Variants in TCEA1 observed in about 807,000 individuals in gnomAD.
TCEA1 encodes the protein transcription elongation factor A protein 1.
Under a neutral mutation model 43.8 loss-of-function variants are expected in TCEA1, and 21 were observed. That is an observed-to-expected ratio of 0.48 (90% CI 0.34 to 0.69). The LOEUF (loss-of-function observed/expected upper bound fraction) is 0.69, where lower values mean the gene tolerates loss of function less well. TCEA1 is among the 30% of genes least tolerant of loss of function. The pLI is 0.01. For synonymous variants in TCEA1, 104 were observed against 117.5 expected (o/e 0.88, Z 0.75); for missense variants, 250 against 365.1 (o/e 0.68, Z 2.57).
intron 2 of TCEA1, among the ~76,000 whole-genome samples, chr8:54,007,928 TC>T (rs1477596000): frequency 2.6e-5 from 4 of 152,152 alleles, no homozygotes; most frequent in Non-Finnish European, 5.9e-5. Context: ...ATGCCTGTAA[TC>T]CCAGCACTTC....
intron 4 of TCEA1, 68 bp downstream of exon 4, chr8:53,993,600 C>A: frequency 2.3e-6 from 3 of 1,294,924 alleles, no homozygotes; most frequent in Non-Finnish European, 3.3e-6. Context: ...GAACATTAGA[C>A]AGGGGAATTG....
chr8:53,987,642 T>A (rs1372554988), intron 5 of TCEA1, among the ~76,000 whole-genome samples: 1 of 152,220 alleles, frequency 6.6e-6, no homozygotes, highest in Admixed American at 6.5e-5. Flanking sequence ...AAATGTTACA[T>A]GTTAAGACTG....
chr8:54,004,111 C>T (rs1043625472), intron 2 of TCEA1, among the ~76,000 whole-genome samples: 1 of 152,132 alleles, frequency 6.6e-6, no homozygotes, highest in East Asian at 1.9e-4. Context: ...ACTACAATAG[C>T]TATAATCAAA....
At chr8:54,003,022 T>A (rs541379498) in intron 2 of TCEA1, 4 of 456,118 alleles carry the variant, frequency 8.8e-6, no homozygotes, top group Non-Finnish European at 1.8e-5. Flanking sequence ...TTTGGTGTGC[T>A]CCAGAAGAAA....
chr8:54,012,520 C>T (rs573264490), intron 1 of TCEA1, among the ~76,000 whole-genome samples: 1 of 152,308 alleles, frequency 6.6e-6, no homozygotes, highest in East Asian at 1.9e-4. Context: ...GATCGCGCCA[C>T]TGCACTCCAG....
At chr8:54,000,286 T>A (rs1804215983) in intron 2 of TCEA1, among the ~76,000 whole-genome samples, 1 of 152,184 alleles carries the variant, frequency 6.6e-6, no homozygotes, top group African/African-American at 2.4e-5. Context: ...ACTACTGTAA[T>A]AAGTCTGGTT....
intron 8 of TCEA1, chr8:53,972,122 C>T (rs1302838084): frequency 3.5e-6 from 1 of 288,226 alleles, no homozygotes; most frequent in Non-Finnish European, 6.8e-6. Context: ...TGGTTCCATC[C>T]ATAACGGCAA....
chr8:54,000,918 C>T (rs1474677961), intron 2 of TCEA1, among the ~76,000 whole-genome samples: 2 of 152,084 alleles, frequency 1.3e-5, no homozygotes, highest in Non-Finnish European at 2.9e-5. Flanking sequence ...TGCCACCTCG[C>T]CCGGCTGATT....
In TCEA1 at chr8:54,000,402, A is replaced by G. The variant is rs114428731; in HGVS notation, c.127-352T>C. Among the ~76,000 whole-genome samples the G allele has an allele frequency of 4.1e-3, 621 of 152,318 alleles. 4 individuals are homozygous for G. The highest frequency in any genetic ancestry group is 0.014 in the African/African-American group (592 of 41,566). ...TCAGGCTGAAGCAATCATGACTAAT[A>G]CATGCATTTCTTTGTTTCTATACAT... On this transcript the variant is annotated intron_variant, in intron 2 of 9. Coordinates refer to ENST00000521604, the MANE Select transcript of TCEA1 (RefSeq NM_006756.4).
chr8:54,022,337 C>G lies in TCEA1; in HGVS notation c.-212G>C. The stretch of plus-strand genomic sequence containing the variant: ...TCCTCCCCAGGCAGCGACAATCGAA[C>G]ACCGCGCGCGACGTGCAGGCGCTAC... On this transcript the variant is annotated 5_prime_UTR_variant, in exon 1 of 10. Transcript: ENST00000521604. The G allele has an allele frequency of 1.7e-6, 1 of 605,196 alleles. No individual in the cohort carries two copies. 37.5% of individuals were successfully genotyped at this position (605,196 alleles called of 1,614,324 possible). A position where few individuals can be genotyped will look rare whatever the true frequency, so the allele number is the denominator to read the frequency against.
chr8:53,998,552 A>C (rs1203102655), intron 3 of TCEA1, among the ~76,000 whole-genome samples: 1 of 152,192 alleles, frequency 6.6e-6, no homozygotes, highest in East Asian at 1.9e-4. Flanking sequence ...CCACAACAGT[A>C]ATTTTTTTTA....
chr8:53,981,382 G>T (rs928980757), intron 7 of TCEA1, among the ~76,000 whole-genome samples: 4 of 152,194 alleles, frequency 2.6e-5, no homozygotes, highest in African/African-American at 4.8e-5. Context: ...GGACTCTCTT[G>T]TTAGGGGCTA....
At chr8:54,010,615 A>G in intron 1 of TCEA1, 123 bp from the exon 2 acceptor site, 3 of 681,500 alleles carry the variant, frequency 4.4e-6, no homozygotes, top group Non-Finnish European at 7.4e-6. Context: ...ATAAGGAGCA[A>G]CAGCACCACC....
intron 7 of TCEA1, among the ~76,000 whole-genome samples, chr8:53,982,613 C>CAAAAAA (rs558788906): frequency 2.3e-4 from 13 of 57,742 alleles, no homozygotes; most frequent in South Asian, 6.4e-4. Context: ...CATTCCCCAC[C>CAAAAAA]AAAAAAAAAA....
intron 8 of TCEA1, among the ~76,000 whole-genome samples, chr8:53,975,035 CATGTT>C (rs1803288267): frequency 6.6e-6 from 1 of 151,790 alleles, no homozygotes; most frequent in African/African-American, 2.4e-5. Context: ...TGTTGTTTAT[CATGTT>C]AAGTTTGTTT....
chr8:53,991,232 A>C (rs1803865190), intron 4 of TCEA1, among the ~76,000 whole-genome samples: 2 of 151,646 alleles, frequency 1.3e-5, no homozygotes, highest in African/African-American at 4.8e-5. Flanking sequence ...ATCTTTACTA[A>C]AAGTACAAAA....
chr8:53,995,629 G>A (rs1804030635), intron 3 of TCEA1, among the ~76,000 whole-genome samples: 1 of 152,204 alleles, frequency 6.6e-6, no homozygotes, highest in East Asian at 1.9e-4. Context: ...GAATATAGAA[G>A]AAACTATATC....
intron 7 of TCEA1, among the ~76,000 whole-genome samples, chr8:53,979,677 G>A (rs1271116474): frequency 2.6e-5 from 4 of 152,226 alleles, no homozygotes; most frequent in African/African-American, 9.7e-5. Flanking sequence ...CCTGAACTCT[G>A]CTAAAATGTA....
intron 1 of TCEA1, 38 bp downstream of exon 1, chr8:54,022,025 C>T (rs1805056134): frequency 1.3e-6 from 2 of 1,555,242 alleles, no homozygotes; most frequent in Non-Finnish European, 1.7e-6. Context: ...GACCGCGGCC[C>T]GGCCTCCCTC....
Sources: allele counts gnomAD v4.1 joint callset (sites outside exome capture counted in the v4.1 genomes callset), GRCh38; gene constraint gnomAD v4.1.1; transcripts MANE v1.5; gene names NCBI Gene and HGNC (gene_info 2026-07-23, HGNC 2026-07-21).